The following ETV1 variants were observed in gnomAD, a reference collection of about 807,000 sequenced individuals.
ETV1 encodes ETS translocation variant 1.
Under a neutral mutation model 62.3 loss-of-function variants are expected in ETV1, and 27 were observed. That is an observed-to-expected ratio of 0.43 (90% CI 0.32 to 0.60). The LOEUF (loss-of-function observed/expected upper bound fraction) is 0.60, where lower values mean the gene tolerates loss of function less well. Ranked by LOEUF, ETV1 falls within the 20% of genes least tolerant of loss-of-function variation. ETV1 has a pLI of 0.06. For missense variants in ETV1, 605 were observed against 605.8 expected (o/e 1.00, Z 0.01); for synonymous variants, 222 against 199.6 (o/e 1.11, Z -0.94).
At position 13,988,619 on chromosome 7, in the gene ETV1, A is replaced by AG. The variant is rs1189520698; in HGVS notation, c.45+388dup. 6.4e-4 allele frequency: 820 copies of AG among 1,279,316 alleles called. 5 individuals are homozygous for AG. The highest frequency in any genetic ancestry group is 7.4e-4 in the Non-Finnish European group (747 of 1,006,856). 79.2% of individuals were successfully genotyped at this position (1,279,316 alleles called of 1,614,324 possible). Reference sequence around the variant, plus strand: ...TGAAAAAAAAAAAAAAGAGAAAATGAGAAAAAAAAAAGAAACAAAAACACC... The same window carrying AG: ...TGAAAAAAAAAAAAAAGAGAAAATGAGGAAAAAAAAAAGAAACAAAAACACC... On this transcript the variant is annotated intron_variant, in intron 3 of 13. Coordinates refer to ENST00000430479, the MANE Select transcript of ETV1 (RefSeq NM_004956.5).
chr7:13,954,067 C>G (rs999930094), intron 6 of ETV1, among the ~76,000 whole-genome samples: 1 of 152,044 alleles, frequency 6.6e-6, no homozygotes, highest in African/African-American at 2.4e-5. Context: ...TAGAAGACTA[C>G]CAAATACTAA....
intron 5 of ETV1, among the ~76,000 whole-genome samples, chr7:13,984,827 C>T (rs980996227): frequency 2.6e-5 from 4 of 151,442 alleles, no homozygotes; most frequent in Non-Finnish European, 4.4e-5. Context: ...TTAATAATCC[C>T]GGAGAAAGAC....
chr7:13,923,191 T>C (rs6967276), intron 9 of ETV1, among the ~76,000 whole-genome samples: 8,017 of 152,192 alleles, frequency 0.053, 714 homozygotes, highest in African/African-American at 0.18. Context: ...ATGCAGAAAA[T>C]AACCATGTTG....
At chr7:13,943,491 C>G (rs1180731458) in intron 6 of ETV1, among the ~76,000 whole-genome samples, 1 of 152,114 alleles carries the variant, frequency 6.6e-6, no homozygotes, top group Non-Finnish European at 1.5e-5. Context: ...GAAATCTACT[C>G]TATGATCCAT....
At chr7:13,978,474 C>T (rs1006193291) in intron 5 of ETV1, among the ~76,000 whole-genome samples, 1 of 151,964 alleles carries the variant, frequency 6.6e-6, no homozygotes, top group African/African-American at 2.4e-5. Flanking sequence ...AATGAATTAT[C>T]ATCCTAATTA....
At chr7:13,927,972 G>T (rs1263223905) in intron 9 of ETV1, among the ~76,000 whole-genome samples, 1 of 152,064 alleles carries the variant, frequency 6.6e-6, no homozygotes, top group Non-Finnish European at 1.5e-5. Flanking sequence ...AGCTTTTTAG[G>T]TAAGAATTTT....
At chr7:13,923,533 C>T (rs1042552174) in intron 9 of ETV1, among the ~76,000 whole-genome samples, 2 of 152,096 alleles carry the variant, frequency 1.3e-5, no homozygotes, top group South Asian at 2.1e-4. Flanking sequence ...CCAGTTTTAA[C>T]GTATTTAACA....
At chr7:13,916,465 CTG>C (rs1784171289) in intron 9 of ETV1, among the ~76,000 whole-genome samples, 1 of 151,954 alleles carries the variant, frequency 6.6e-6, no homozygotes, top group African/African-American at 2.4e-5. Context: ...TGGTGAAAAC[CTG>C]TCTCTACTAA....
intron 9 of ETV1, among the ~76,000 whole-genome samples, chr7:13,919,357 C>G (rs958744642): frequency 1.3e-5 from 2 of 150,702 alleles, no homozygotes; most frequent in Non-Finnish European, 3.0e-5. Context: ...ACAGATGGAG[C>G]AGTGAAATGT....
chr7:13,901,480 G>T (rs1371520636), intron 12 of ETV1, among the ~76,000 whole-genome samples: 1 of 152,122 alleles, frequency 6.6e-6, no homozygotes, highest in Non-Finnish European at 1.5e-5. Flanking sequence ...GAGATATACT[G>T]TCTGTTTTAT....
At chr7:13,925,193 G>T (rs1686451523) in intron 9 of ETV1, among the ~76,000 whole-genome samples, 1 of 151,982 alleles carries the variant, frequency 6.6e-6, no homozygotes. Flanking sequence ...CTCTGATTAA[G>T]TTGCTCCACC....
intron 6 of ETV1, among the ~76,000 whole-genome samples, chr7:13,975,909 A>C (rs1305107566): frequency 6.6e-6 from 1 of 152,234 alleles, no homozygotes; most frequent in Non-Finnish European, 1.5e-5. Context: ...AACGAGATTA[A>C]TTCTTTTACT....
intron 11 of ETV1, among the ~76,000 whole-genome samples, chr7:13,909,089 A>G (rs1783281936): frequency 6.6e-6 from 1 of 151,932 alleles, no homozygotes; most frequent in Non-Finnish European, 1.5e-5. Flanking sequence ...CTCCCTTTTA[A>G]GCAATTACAA....
Position 13,902,300 on chromosome 7 carries a change from T to C in ETV1, c.1111-1461A>G, listed in dbSNP as rs1782521833. Among the ~76,000 whole-genome samples, 6 of 152,204 alleles carry C rather than the reference T, an allele frequency of 3.9e-5. No individual in the cohort carries two copies. The South Asian group carries it at 1.2e-3, about 32-fold the overall frequency. Reference sequence around the variant, plus strand: ...TTTTTTCCTTTAGAAATACCGATCCTAGCTATTTTCCCTCTCAGTAATTTT... The same window carrying C: ...TTTTTTCCTTTAGAAATACCGATCCCAGCTATTTTCCCTCTCAGTAATTTT... On this transcript the variant is annotated intron_variant, in intron 12 of 13. Transcript: ENST00000430479.
rs147792646 is a variant in ETV1 at position 13,943,081 on chromosome 7, A to C, written c.236-3835T>G. On this transcript the variant is annotated intron_variant, in intron 6 of 13. Transcript: ENST00000430479. ...AAGATGTTTTAAGTAGAAAGATCTG[A>C]TGAAGAACTCATTTAACAAAATAAG... Among the ~76,000 whole-genome samples the C allele has an allele frequency of 2.0e-3, 306 of 152,340 alleles. 2 individuals carry two copies. Among genetic ancestry groups the C allele is most frequent in the African/African-American group, 7.0e-3 (290 of 41,590 alleles).
chr7:13,983,645 G>C (rs1392264120), intron 5 of ETV1, among the ~76,000 whole-genome samples: 1 of 147,206 alleles, frequency 6.8e-6, no homozygotes, highest in Non-Finnish European at 1.5e-5. Flanking sequence ...AACTACTGTG[G>C]TTACTGAAAA....
At position 13,931,724 on chromosome 7, in the gene ETV1, A is replaced by G. The variant is rs1786195134; in HGVS notation, c.580T>C (p.Cys194Arg). 2 of 1,614,030 alleles carry G rather than the reference A, an allele frequency of 1.2e-6. No homozygotes were observed. The highest frequency in any genetic ancestry group is 3.3e-4 in the Middle Eastern group (2 of 6,062). Reference protein sequence around the residue: ...HRFRRQLSEPCNSFPPLPTMP... With the variant: ...HRFRRQLSEPRNSFPPLPTMP... ...GTCGGCAAAGGAGGAAAGGAGTTAC[A>G]GGGTTCAGAAAGCTGGCGGCGAAAT... Residue 194 changes from cysteine to arginine, a missense_variant, in exon 9 of 14, where the codon TGT (cysteine) becomes CGT (arginine). Physicochemically the swap from Cys to Arg is radical, Grantham distance 180. This residue lies in a region of ETV1 where 426 missense variants were observed against 377.8 expected (regional missense o/e 1.13). Transcript: ENST00000430479.
chr7:13,898,893 G>GC, intron 13 of ETV1, among the ~76,000 whole-genome samples: 1 of 152,286 alleles, frequency 6.6e-6, no homozygotes, highest in East Asian at 1.9e-4. Context: ...CAGCTACTCA[G>GC]GAGGCTGAGG....
chr7:13,918,673 A>G (rs1266628493), intron 9 of ETV1, among the ~76,000 whole-genome samples: 2 of 149,980 alleles, frequency 1.3e-5, no homozygotes, highest in African/African-American at 2.5e-5. Flanking sequence ...GAACTGAACA[A>G]TGAGATCACA....
Sources: allele counts gnomAD v4.1 joint callset (sites outside exome capture counted in the v4.1 genomes callset), GRCh38; gene constraint gnomAD v4.1.1; regional missense constraint gnomAD v4.1.1; transcripts MANE v1.5; gene names NCBI Gene and HGNC (gene_info 2026-07-23, HGNC 2026-07-21).